The following GRID2 variants were observed in gnomAD, a reference collection of about 807,000 sequenced individuals.
GRID2 encodes the protein glutamate ionotropic receptor delta type subunit 2, also known as glutamate receptor ionotropic, delta-2.
GRID2 carries 33 observed loss-of-function variants against 114.8 expected under a neutral mutation model. The observed-to-expected ratio is 0.29, with a 90% confidence interval of 0.22 to 0.38. GRID2 has a LOEUF of 0.38. GRID2 is among the 10% of genes least tolerant of loss of function. GRID2 has a pLI of 1.00. For missense variants in GRID2, 1,184 were observed against 1,257.7 expected, an observed-to-expected ratio of 0.94 and a Z score of 0.89; for synonymous variants, 505 against 449.9, an observed-to-expected ratio of 1.12 and a Z score of -1.55.
intron 2 of GRID2, among the ~76,000 whole-genome samples, chr4:92,687,385 C>A (rs776791737): frequency 6.6e-6 from 1 of 152,034 alleles, no homozygotes; most frequent in Non-Finnish European, 1.5e-5. Flanking sequence ...TGATTCCATA[C>A]CACCACAATA....
At chr4:92,557,681 A>C (rs1427399900) in intron 1 of GRID2, among the ~76,000 whole-genome samples, 5 of 147,806 alleles carry the variant, frequency 3.4e-5, no homozygotes, top group Non-Finnish European at 7.5e-5. Context: ...TCGATTTCAT[A>C]TACTTCTAGT....
Position 93,426,954 on chromosome 4 carries a change from A to G in GRID2, c.1545+3986A>G, listed in dbSNP as rs1469992777. On this transcript the variant is annotated intron_variant, in intron 10 of 15. Coordinates refer to ENST00000282020, the MANE Select transcript of GRID2 (RefSeq NM_001510.4). ...AGCAGGTGGAGGAGAAGAAACCTAC[A>G]AAAAAGACTTAGTTGGAGTAGATAG... 7.2e-5 allele frequency among the ~76,000 whole-genome samples: 11 copies of G among 152,138 alleles called. No homozygotes were observed. The South Asian group carries it at 2.3e-3, about 31-fold the overall frequency.
At chr4:92,457,467 A>G (rs1440874604) in intron 1 of GRID2, among the ~76,000 whole-genome samples, 1 of 152,126 alleles carries the variant, frequency 6.6e-6, no homozygotes, top group Non-Finnish European at 1.5e-5. Flanking sequence ...TGAGAAGAAA[A>G]ATATATTTCT....
At chr4:92,618,082 T>G (rs1730088090) in intron 2 of GRID2, among the ~76,000 whole-genome samples, 1 of 151,740 alleles carries the variant, frequency 6.6e-6, no homozygotes, top group Non-Finnish European at 1.5e-5. Context: ...TCATAAAATA[T>G]TTTCTCAAAT....
chr4:93,488,556 G>T (rs528789933), intron 11 of GRID2, among the ~76,000 whole-genome samples: 1 of 151,880 alleles, frequency 6.6e-6, no homozygotes, highest in African/African-American at 2.4e-5. Flanking sequence ...AAGTAGTATT[G>T]TATCTCTTTA....
chr4:92,837,081 G>A (rs1366931184), intron 2 of GRID2, among the ~76,000 whole-genome samples: 1 of 152,046 alleles, frequency 6.6e-6, no homozygotes, highest in Admixed American at 6.6e-5. Flanking sequence ...CAGTCGAGGA[G>A]ATGGGAGTTC....
chr4:92,445,904 T>C (rs1733433957), intron 1 of GRID2, among the ~76,000 whole-genome samples: 4 of 152,244 alleles, frequency 2.6e-5, no homozygotes, highest in Admixed American at 2.6e-4. Context: ...TTTTTTCTAA[T>C]GTTTTGTTAC....
intron 2 of GRID2, among the ~76,000 whole-genome samples, chr4:92,919,337 TG>T (rs1749102046): frequency 6.6e-6 from 1 of 152,158 alleles, no homozygotes; most frequent in Non-Finnish European, 1.5e-5. Context: ...AAGGGTTTTT[TG>T]TGTCTCTATT....
intron 2 of GRID2, among the ~76,000 whole-genome samples, chr4:92,997,490 A>G (rs114253091): frequency 8.2e-4 from 125 of 152,238 alleles, no homozygotes; most frequent in Non-Finnish European, 1.6e-3. Flanking sequence ...GGAGACACAC[A>G]TTATTTTGTT....
rs148029356 is a variant in GRID2, at chr4:92,728,481, G to A, written c.244+138195G>A. Among the ~76,000 whole-genome samples, 398 of 152,066 alleles carry A rather than the reference G, an allele frequency of 2.6e-3. 2 individuals are homozygous for A. The highest frequency in any genetic ancestry group is 8.9e-3 in the African/African-American group (369 of 41,510). On this transcript the variant is annotated intron_variant, in intron 2 of 15. Coordinates refer to ENST00000282020, the MANE Select transcript of GRID2 (RefSeq NM_001510.4). ...TTGACAATCCTCAGTCCTTCACCAC[G>A]TGGGTCTTCCATGGGGCTGTCTCAG... is the stretch of plus-strand genomic sequence containing the variant.
At chr4:92,364,119 A>G (rs1305058107) in intron 1 of GRID2, among the ~76,000 whole-genome samples, 1 of 152,054 alleles carries the variant, frequency 6.6e-6, no homozygotes, top group African/African-American at 2.4e-5. Context: ...AAATTATAAA[A>G]AAGTAAAAAG....
At position 93,495,431 on chromosome 4, in the gene GRID2, AC is replaced by A. The variant is rs564600478; in HGVS notation, c.1997+4656del. 1.8e-3 allele frequency among the ~76,000 whole-genome samples: 279 copies of A among 151,934 alleles called. 1 individual carries two copies. The highest frequency in any genetic ancestry group is 6.5e-3 in the African/African-American group (269 of 41,528). On this transcript the variant is annotated intron_variant, in intron 12 of 15. Coordinates refer to ENST00000282020, the MANE Select transcript of GRID2 (RefSeq NM_001510.4). Reference sequence around the variant, plus strand: ...AATTATGCTTAGAAATTCAAGCATCACCAAATCTGGTACTAAAGCCTGGAGA... The same window carrying A: ...AATTATGCTTAGAAATTCAAGCATCACAAATCTGGTACTAAAGCCTGGAGA...
At chr4:93,511,679 G>A (rs1416037996) in intron 12 of GRID2, among the ~76,000 whole-genome samples, 1 of 152,062 alleles carries the variant, frequency 6.6e-6, no homozygotes, top group Admixed American at 6.6e-5. Flanking sequence ...GAGATATGTG[G>A]TTAGGTAGAG....
intron 13 of GRID2, among the ~76,000 whole-genome samples, chr4:93,562,015 C>T (rs753279984): frequency 6.6e-6 from 1 of 152,170 alleles, no homozygotes; most frequent in South Asian, 2.1e-4. Context: ...TGTACAGACA[C>T]GAGTTTTCAA....
intron 13 of GRID2, among the ~76,000 whole-genome samples, chr4:93,588,294 CA>C (rs1737745692): frequency 6.6e-6 from 1 of 151,912 alleles, no homozygotes; most frequent in Non-Finnish European, 1.5e-5. Flanking sequence ...ATAAAACAAT[CA>C]AAATTTTTTT....
chr4:92,819,063 C>T (rs1741098109), intron 2 of GRID2, among the ~76,000 whole-genome samples: 1 of 152,014 alleles, frequency 6.6e-6, no homozygotes, highest in Non-Finnish European at 1.5e-5. Context: ...TATTTCTGTC[C>T]TACACCAAAG....
At chr4:92,417,058 G>A (rs561706726) in intron 1 of GRID2, among the ~76,000 whole-genome samples, 5 of 151,894 alleles carry the variant, frequency 3.3e-5, no homozygotes, top group East Asian at 1.9e-4. Flanking sequence ...CATTTGTGTC[G>A]TCTATGACTT....
intron 8 of GRID2, among the ~76,000 whole-genome samples, chr4:93,388,510 A>G (rs988315615): frequency 2.6e-5 from 4 of 152,194 alleles, no homozygotes; most frequent in African/African-American, 9.6e-5. Context: ...GCCTTACTCA[A>G]GAAACCGTAG....
intron 1 of GRID2, among the ~76,000 whole-genome samples, chr4:92,443,621 G>T (rs1733255278): frequency 6.6e-6 from 1 of 152,134 alleles, no homozygotes. Context: ...CTCTCCTCTA[G>T]AAAAGCGGGA....
Sources: allele counts gnomAD v4.1 joint callset (sites outside exome capture counted in the v4.1 genomes callset), GRCh38; gene constraint gnomAD v4.1.1; transcripts MANE v1.5; gene names NCBI Gene and HGNC (gene_info 2026-07-23, HGNC 2026-07-21).